Variants in VPS37A observed in about 807,000 individuals in gnomAD.
The protein encoded by VPS37A is vacuolar protein sorting-associated protein 37A.
Under a neutral mutation model 49.8 loss-of-function variants are expected in VPS37A, and 30 were observed. That is an observed-to-expected ratio of 0.60 (90% CI 0.45 to 0.82). The LOEUF is 0.82. VPS37A is among the 40% of genes least tolerant of loss of function. The pLI is 0.00. For synonymous variants in VPS37A, 195 were observed against 160.6 expected (o/e 1.21, Z -1.62); for missense variants, 593 against 464.4 (o/e 1.28, Z -2.55).
Position 17,265,639 on chromosome 8 carries a change from A to G in VPS37A, c.126-268A>G. The G allele has an allele frequency of 7.7e-6, 5 of 651,058 alleles. No homozygotes were observed. The South Asian group carries it at 8.4e-5, about 11-fold the overall frequency. The allele number at this position is 651,058 out of a possible 1,614,324, so 40.3% of individuals were successfully genotyped here. On this transcript the variant is annotated intron_variant, in intron 1 of 11. Coordinates refer to ENST00000324849, the MANE Select transcript of VPS37A (RefSeq NM_152415.3). ...AAATTGGATAGAGTGATAGTAAAAC[A>G]GTGTAGCATTAATGAAGAGTTTTTT...
chr8:17,291,794 G>C (rs1816185089), intron 11 of VPS37A, among the ~76,000 whole-genome samples: 1 of 152,176 alleles, frequency 6.6e-6, no homozygotes, highest in South Asian at 2.1e-4. Context: ...TTTTGAGTGA[G>C]TTTCTTAATC....
the VPS37A span, among the ~76,000 whole-genome samples, chr8:17,322,742 T>C: frequency 6.6e-6 from 1 of 152,116 alleles, no homozygotes; most frequent in African/African-American, 2.4e-5. Context: ...GGAGGATCAC[T>C]TGAGCCCAGG....
chr8:17,308,959 T>G, the VPS37A span, among the ~76,000 whole-genome samples: 1 of 152,218 alleles, frequency 6.6e-6, no homozygotes, highest in African/African-American at 2.4e-5. Context: ...TCTCTGGACT[T>G]CTAAAATGGA....
chr8:17,268,755 AC>A (rs1279218507), intron 3 of VPS37A, 100 bp from the exon 4 acceptor site: 2 of 793,720 alleles, frequency 2.5e-6, no homozygotes, highest in Non-Finnish European at 4.0e-6. Flanking sequence ...TTAATTCTTG[AC>A]CTGCAAAAGT....
chr8:17,293,442 T>C (rs1816325964), intron 11 of VPS37A, among the ~76,000 whole-genome samples: 1 of 152,160 alleles, frequency 6.6e-6, no homozygotes, highest in African/African-American at 2.4e-5. Context: ...ACCCACCTTC[T>C]GAAGCCTACT....
chr8:17,298,629 T>C (rs1350933575), downstream of VPS37A: 1 of 152,590 alleles, frequency 6.6e-6, no homozygotes, highest in Non-Finnish European at 1.5e-5. Flanking sequence ...TTGATCTAAA[T>C]TGTAAAGTTT....
the VPS37A span, among the ~76,000 whole-genome samples, chr8:17,317,273 C>A: frequency 6.6e-6 from 1 of 152,144 alleles, no homozygotes; most frequent in South Asian, 2.1e-4. Context: ...CATGGGCAGG[C>A]TTTCTTAGCT....
chr8:17,261,506 C>T (rs992068577), intron 1 of VPS37A, among the ~76,000 whole-genome samples: 8 of 152,174 alleles, frequency 5.3e-5, no homozygotes, highest in African/African-American at 1.9e-4. Flanking sequence ...AAGTCAGGCT[C>T]CCTGTTTGCT....
Position 17,265,962 on chromosome 8 carries a change from C to G in VPS37A, c.181C>G (p.Leu61Val). 2 of 1,612,834 alleles carry G rather than the reference C, an allele frequency of 1.2e-6. No homozygotes were observed. Among genetic ancestry groups the G allele is most frequent in the Non-Finnish European group, 1.7e-6 (2 of 1,179,490 alleles). Residue 61 changes from leucine to valine, a missense_variant, in exon 2 of 12, where the codon CTG becomes GTG. Transcript: ENST00000324849. Reference sequence around the variant, plus strand: ...CAGATTGCCATTCACCATAAACAACCTGACAATTAACATTAATATGTGAGT... The same window carrying G: ...CAGATTGCCATTCACCATAAACAACGTGACAATTAACATTAATATGTGAGT... ...EYRLPFTINNLTININILLPP... is the reference protein window; with the variant it reads ...EYRLPFTINNVTININILLPP...
chr8:17,284,422 G>C, intron 9 of VPS37A, 51 bp from the exon 10 acceptor site: 1 of 1,521,006 alleles, frequency 6.6e-7, no homozygotes, highest in Non-Finnish European at 8.7e-7. Context: ...TCCCTGTGAG[G>C]AGTTCTTGTG....
chr8:17,288,354 A>C (rs927751010), intron 11 of VPS37A, among the ~76,000 whole-genome samples: 1 of 152,082 alleles, frequency 6.6e-6, no homozygotes, highest in Non-Finnish European at 1.5e-5. Context: ...TGTTTCTTCT[A>C]ATGCTATTCC....
chr8:17,267,147 C>T (rs1585978677), intron 2 of VPS37A, among the ~76,000 whole-genome samples: 1 of 152,120 alleles, frequency 6.6e-6, no homozygotes, highest in Admixed American at 6.5e-5. Context: ...ACAAACTGGG[C>T]TCCAAAGGCC....
chr8:17,267,377 CAG>C (rs1357520107), intron 2 of VPS37A, among the ~76,000 whole-genome samples: 3 of 152,120 alleles, frequency 2.0e-5, no homozygotes, highest in Non-Finnish European at 4.4e-5. Flanking sequence ...GATTTGGAAA[CAG>C]GGTTTCATAT....
At chr8:17,264,534 C>A (rs1427084438) in intron 1 of VPS37A, among the ~76,000 whole-genome samples, 1 of 152,140 alleles carries the variant, frequency 6.6e-6, no homozygotes, top group African/African-American at 2.4e-5. Flanking sequence ...GAGAGGAAAG[C>A]TTATCTACAT....
chr8:17,279,975 G>A, intron 6 of VPS37A, 53 bp from the exon 7 acceptor site: 16 of 1,605,492 alleles, frequency 1.0e-5, no homozygotes, highest in Non-Finnish European at 1.4e-5. Flanking sequence ...AGTTGTCATG[G>A]AGAAAAACTC....
Position 17,276,582 on chromosome 8 carries a change from A to G in VPS37A, c.713+115A>G, listed in dbSNP as rs532636510. Reference sequence around the variant, plus strand: ...TTAAAATTTTCACTAATCCTAAACAATATTGTTGTTGCCTTAGTGGGATTT... The same window carrying G: ...TTAAAATTTTCACTAATCCTAAACAGTATTGTTGTTGCCTTAGTGGGATTT... On this transcript the variant is annotated intron_variant, in intron 6 of 11. Coordinates refer to ENST00000324849, the MANE Select transcript of VPS37A (RefSeq NM_152415.3). 24 of 1,029,002 alleles carry G rather than the reference A, an allele frequency of 2.3e-5. No homozygotes were observed. The African/African-American group carries it at 3.1e-4, about 13-fold the overall frequency. 63.7% of individuals were successfully genotyped at this position (1,029,002 alleles called of 1,614,324 possible). A position where few individuals can be genotyped will look rare whatever the true frequency, so the allele number is the denominator to read the frequency against.
At chr8:17,317,534 G>T in the VPS37A span, among the ~76,000 whole-genome samples, 3 of 152,114 alleles carry the variant, frequency 2.0e-5, no homozygotes, top group African/African-American at 4.8e-5. Context: ...CCTGATCCCA[G>T]AGTCCCTGCG....
In VPS37A at chr8:17,269,401, G is replaced by T. The variant is rs560372083; in HGVS notation, c.416+445G>T. 5.3e-5 allele frequency among the ~76,000 whole-genome samples: 8 copies of T among 152,004 alleles called. No individual in the cohort carries two copies. In the East Asian group the frequency reaches 5.8e-4, roughly 11 times the overall value. On this transcript the variant is annotated intron_variant, in intron 4 of 11. Transcript: ENST00000324849. ...CATTTCCCTTATGGTGCAATTTTTT[G>T]CCTTTTTTCTGGAATTAATAATTAC...
rs1814353172 is a variant in VPS37A, at chr8:17,274,800, C to G, written c.484C>G (p.Pro162Ala). The change falls in exon 5 of 12, where the codon CCT becomes GCT. Residue 162 changes from proline (P) to alanine (A), a missense_variant. Transcript: ENST00000324849. ...GGGTTTTCCATTTCTTCCTCCATAT[C>G]CTCCACAAGAAGCAAACAGGAGTAT... ...SQGFPFLPPY[P>A]PQEANRSITS... 1 of 1,614,140 alleles carries G rather than the reference C, an allele frequency of 6.2e-7. No homozygotes were observed. Among genetic ancestry groups the G allele is most frequent in the African/African-American group, 1.3e-5 (1 of 75,042 alleles).
Sources: gnomAD v4.1 joint callset for allele counts (sites outside exome capture counted in the v4.1 genomes callset) on GRCh38, gnomAD v4.1.1 for gene constraint, MANE v1.5 for transcripts, NCBI Gene and HGNC (gene_info 2026-07-23, HGNC 2026-07-21) for gene names.